PLPPR1: variants seen among roughly 807,000 people sequenced by gnomAD.
The protein encoded by PLPPR1 is phospholipid phosphatase-related protein type 1.
PLPPR1 carries 10 observed loss-of-function variants against 33.1 expected under a neutral mutation model. The observed-to-expected ratio is 0.30, with a 90% confidence interval of 0.19 to 0.51. PLPPR1 has a LOEUF of 0.51. PLPPR1 is among the 20% of genes least tolerant of loss of function. The pLI, the probability that PLPPR1 is intolerant of heterozygous loss-of-function variation, is 0.97. For synonymous variants in PLPPR1, 151 were observed against 151.0 expected, an observed-to-expected ratio of 1.00 and a Z score of 0.00; for missense variants, 304 against 408.1, an observed-to-expected ratio of 0.74 and a Z score of 2.20.
At chr9:101,202,715 G>C (rs1264729816) in intron 2 of PLPPR1, among the ~76,000 whole-genome samples, 1 of 152,168 alleles carries the variant, frequency 6.6e-6, no homozygotes, top group African/African-American at 2.4e-5. Context: ...GCATGCTAGG[G>C]ATTTCTAGAA....
At chr9:101,066,058 T>C (rs1830409247) in intron 1 of PLPPR1, among the ~76,000 whole-genome samples, 1 of 152,058 alleles carries the variant, frequency 6.6e-6, no homozygotes, top group South Asian at 2.1e-4. Flanking sequence ...GATACCACAT[T>C]GCATTTACTT....
At chr9:101,126,535 G>T (rs1161459215) in intron 1 of PLPPR1, among the ~76,000 whole-genome samples, 2 of 152,180 alleles carry the variant, frequency 1.3e-5, no homozygotes, top group East Asian at 3.9e-4. Context: ...ATATGCCTCG[G>T]TTTATTGAGG....
chr9:101,208,358 A>T (rs994203917), intron 2 of PLPPR1, among the ~76,000 whole-genome samples: 2 of 152,140 alleles, frequency 1.3e-5, no homozygotes, highest in African/African-American at 2.4e-5. Context: ...GAACCTGAGC[A>T]TTTGTCAGTG....
At chr9:101,248,431 A>T (rs1827653144) in intron 2 of PLPPR1, among the ~76,000 whole-genome samples, 1 of 152,100 alleles carries the variant, frequency 6.6e-6, no homozygotes, top group African/African-American at 2.4e-5. Flanking sequence ...TAAGAATCCT[A>T]GTATAATAGC....
At chr9:101,033,629 G>T (rs1242427793) in intron 1 of PLPPR1, among the ~76,000 whole-genome samples, 4 of 152,172 alleles carry the variant, frequency 2.6e-5, no homozygotes, top group African/African-American at 9.7e-5. Flanking sequence ...GAAAGCAAAA[G>T]CCTCAGGGAA....
chr9:101,168,896 C>T (rs1825898937), intron 1 of PLPPR1, among the ~76,000 whole-genome samples: 1 of 151,944 alleles, frequency 6.6e-6, no homozygotes, highest in East Asian at 1.9e-4. Context: ...CAAAACAATC[C>T]TTGACCTTTT....
chr9:101,112,360 T>G (rs1371355913), intron 1 of PLPPR1, among the ~76,000 whole-genome samples: 2 of 152,220 alleles, frequency 1.3e-5, no homozygotes, highest in African/African-American at 4.8e-5. Context: ...TGAATAGCAT[T>G]TAGATAAGAT....
At chr9:101,062,364 G>C (rs974980524) in intron 1 of PLPPR1, among the ~76,000 whole-genome samples, 1 of 152,026 alleles carries the variant, frequency 6.6e-6, no homozygotes, top group Admixed American at 6.6e-5. Flanking sequence ...TTGTGCAAAT[G>C]GGGCTCATTG....
At chr9:101,307,484 C>T (rs1377455899) in intron 4 of PLPPR1, among the ~76,000 whole-genome samples, 3 of 152,182 alleles carry the variant, frequency 2.0e-5, no homozygotes, top group Non-Finnish European at 4.4e-5. Context: ...ATTCAGACTT[C>T]CAGTACCTGG....
At chr9:101,280,905 C>T (rs1828285831) in intron 3 of PLPPR1, among the ~76,000 whole-genome samples, 1 of 151,966 alleles carries the variant, frequency 6.6e-6, no homozygotes. Flanking sequence ...CAATATAGGA[C>T]TGGAAGTGCT....
chr9:101,095,394 T>C (rs113981664), intron 1 of PLPPR1, among the ~76,000 whole-genome samples: 7 of 152,192 alleles, frequency 4.6e-5, no homozygotes, highest in Admixed American at 2.0e-4. Context: ...TGGAGGTTCC[T>C]GGTCTGGATC....
chr9:101,320,091 T>C (rs1829126985), intron 7 of PLPPR1, among the ~76,000 whole-genome samples: 1 of 152,138 alleles, frequency 6.6e-6, no homozygotes, highest in Non-Finnish European at 1.5e-5. Flanking sequence ...CTAAACAGGG[T>C]TTCAAAAAAT....
intron 4 of PLPPR1, among the ~76,000 whole-genome samples, chr9:101,295,472 A>C (rs1828607506): frequency 6.6e-6 from 1 of 152,258 alleles, no homozygotes; most frequent in African/African-American, 2.4e-5. Context: ...ATATGGAACC[A>C]AAAAAGAGCC....
At chr9:101,210,471 G>C (rs1279926618) in intron 2 of PLPPR1, among the ~76,000 whole-genome samples, 7 of 152,146 alleles carry the variant, frequency 4.6e-5, no homozygotes, top group African/African-American at 1.7e-4. Flanking sequence ...CTTCTGCAGG[G>C]GGTACTTGAC....
chr9:101,033,671 G>T (rs1358993784), intron 1 of PLPPR1, among the ~76,000 whole-genome samples: 6 of 152,154 alleles, frequency 3.9e-5, no homozygotes, highest in Non-Finnish European at 2.9e-5. Context: ...CACAGAAACA[G>T]TCCCAACTGT....
At chr9:101,106,007 T>A (rs1830963398) in intron 1 of PLPPR1, among the ~76,000 whole-genome samples, 1 of 149,922 alleles carries the variant, frequency 6.7e-6, no homozygotes, top group Admixed American at 6.6e-5. Flanking sequence ...GCTTGGTAGA[T>A]CTTCCTCCAT....
intron 2 of PLPPR1, among the ~76,000 whole-genome samples, chr9:101,238,245 TAGAG>T (rs1271715564): frequency 7.4e-6 from 1 of 135,248 alleles, no homozygotes; most frequent in African/African-American, 2.7e-5. Flanking sequence ...TATACCTATA[TAGAG>T]AGAGGTATAT....
intron 1 of PLPPR1, among the ~76,000 whole-genome samples, chr9:101,122,728 A>C (rs2118596129): frequency 6.6e-6 from 1 of 152,268 alleles, no homozygotes; most frequent in Non-Finnish European, 1.5e-5. Flanking sequence ...CTCTGTTCTA[A>C]ATATGACCCA....
At chr9:101,064,757 T>C (rs1379136861) in intron 1 of PLPPR1, among the ~76,000 whole-genome samples, 1 of 151,934 alleles carries the variant, frequency 6.6e-6, no homozygotes, top group Non-Finnish European at 1.5e-5. Context: ...AGGTCTAAGA[T>C]TGAGGGAGCG....
Sources: allele counts gnomAD v4.1 joint callset (sites outside exome capture counted in the v4.1 genomes callset), GRCh38; gene constraint gnomAD v4.1.1; transcripts MANE v1.5; gene names NCBI Gene and HGNC (gene_info 2026-07-23, HGNC 2026-07-21).